TBC1D2: variants seen among roughly 807,000 people sequenced by gnomAD.
TBC1D2 encodes TBC1 domain family member 2.
A neutral mutation model predicts 91.1 loss-of-function variants in TBC1D2; 58 were observed. The observed-to-expected ratio is 0.64, with a 90% CI of 0.52 to 0.79. The LOEUF is 0.79. Among genes scored for constraint, TBC1D2 ranks in the 30% least tolerant of loss-of-function variants. The pLI, the probability that TBC1D2 is intolerant of heterozygous loss-of-function variation, is 0.00. For missense variants in TBC1D2, 1,080 were observed against 1,208.3 expected, an observed-to-expected ratio of 0.89 and a Z score of 1.57; for synonymous variants, 482 against 511.5, an observed-to-expected ratio of 0.94 and a Z score of 0.78.
intron 9 of TBC1D2, among the ~76,000 whole-genome samples, chr9:98,207,084 T>C (rs567856133): frequency 9.2e-5 from 14 of 152,226 alleles, no homozygotes; most frequent in Non-Finnish European, 1.8e-4. Context: ...TGGCATGAAA[T>C]CTGAACATAT....
intron 2 of TBC1D2, among the ~76,000 whole-genome samples, chr9:98,250,428 T>C (rs1829848569): frequency 6.6e-6 from 1 of 152,042 alleles, no homozygotes; most frequent in Non-Finnish European, 1.5e-5. Context: ...GAGGCCACTG[T>C]GACTTTGAGA....
In TBC1D2 at chr9:98,229,166, C is replaced by T. The variant is rs746596247; in HGVS notation, c.782-18G>A. 3.2e-5 allele frequency: 51 copies of T among 1,612,610 alleles called. No homozygotes were observed. In the Admixed American group the frequency reaches 3.2e-4, roughly 10 times the overall value. On this transcript the variant is annotated intron_variant, in intron 4 of 12. Transcript: ENST00000465784. ...CTCTCTCCCTGCTCAAGAGGAGAAA[C>T]GCAGAAGTTATGACTGATGACATCA...
chr9:98,229,822 A>G (rs1445894251), intron 4 of TBC1D2, among the ~76,000 whole-genome samples: 1 of 152,210 alleles, frequency 6.6e-6, no homozygotes, highest in Admixed American at 6.5e-5. Flanking sequence ...ATAAAGCTTT[A>G]TTAGAACACG....
intron 5 of TBC1D2, among the ~76,000 whole-genome samples, chr9:98,222,423 C>T (rs921923867): frequency 1.1e-4 from 17 of 152,226 alleles, no homozygotes; most frequent in Admixed American, 7.9e-4. Context: ...TTACCTTCAG[C>T]CCACCAGCCG....
At chr9:98,232,322 T>G (rs1829388261) in intron 4 of TBC1D2, among the ~76,000 whole-genome samples, 1 of 149,414 alleles carries the variant, frequency 6.7e-6, no homozygotes, top group Non-Finnish European at 1.5e-5. Flanking sequence ...TGCTTTTTCT[T>G]TTCTTCTTTC....
Position 98,221,033 on chromosome 9 carries a change from G to C in TBC1D2, c.1174C>G (p.Leu392Val). 6.2e-7 allele frequency: 1 copy of C among 1,613,856 alleles called. No individual in the cohort carries two copies. The highest frequency in any genetic ancestry group is 1.1e-5 in the South Asian group (1 of 91,088). ...ERESLAHTAS[L>V]REQQVQELQQ... The stretch of plus-strand genomic sequence containing the variant: ...AGCTCCTGCACCTGCTGCTCCCGCA[G>C]GCTCGCTGTGTGCGCCAGGCTCTCC... Residue 392 changes from leucine to valine, a missense_variant, in exon 6 of 13, where the codon CTG becomes GTG. By Grantham distance (32) the Leu-to-Val change is conservative (BLOSUM62 1). Coordinates refer to ENST00000465784, the MANE Select transcript of TBC1D2 (RefSeq NM_001267571.2).
In TBC1D2 at chr9:98,210,762, C is replaced by T. The variant is rs1413875299; in HGVS notation, c.1567G>A (p.Asp523Asn). The change falls in exon 8 of 13, where the codon GAC becomes AAC. Residue 523 changes from aspartate (D) to asparagine (N), a missense_variant. Coordinates refer to ENST00000465784, the MANE Select transcript of TBC1D2 (RefSeq NM_001267571.2). ...GLRRLQEALG[D>N]EASECSELLR... Reference sequence around the variant, plus strand: ...AGCTCTGAGCACTCGCTGGCTTCGTCCCCCAGGGCCTCCTGCAGCCTTCTC... The same window carrying T: ...AGCTCTGAGCACTCGCTGGCTTCGTTCCCCAGGGCCTCCTGCAGCCTTCTC... The T allele has an allele frequency of 6.4e-7, 1 of 1,566,098 alleles. No homozygotes were observed. The highest frequency in any genetic ancestry group is 8.7e-7 in the Non-Finnish European group (1 of 1,155,238).
chr9:98,244,997 T>G (rs1829734940), intron 2 of TBC1D2, among the ~76,000 whole-genome samples: 1 of 152,084 alleles, frequency 6.6e-6, no homozygotes, highest in South Asian at 2.1e-4. Context: ...TCCCAGCACT[T>G]TGGGAGGCTG....
At chr9:98,206,590 T>C (rs760783102) in intron 9 of TBC1D2, among the ~76,000 whole-genome samples, 2 of 152,164 alleles carry the variant, frequency 1.3e-5, no homozygotes, top group Non-Finnish European at 2.9e-5. Flanking sequence ...GGGAAAGGTT[T>C]CTGGGAGGCC....
intron 2 of TBC1D2, among the ~76,000 whole-genome samples, chr9:98,247,647 T>C (rs1405871255): frequency 6.8e-6 from 1 of 148,064 alleles, no homozygotes; most frequent in Non-Finnish European, 1.5e-5. Context: ...GAGAATCATT[T>C]GAACCCAGGA....
At position 98,251,767 on chromosome 9, in the gene TBC1D2, G is replaced by A; in HGVS notation, c.511+18C>T. 6.4e-7 allele frequency: 1 copy of A among 1,569,238 alleles called. No homozygotes were observed. Among genetic ancestry groups the A allele is most frequent in the South Asian group, 1.2e-5 (1 of 86,512 alleles). On this transcript the variant is annotated intron_variant, in intron 2 of 12. Transcript: ENST00000465784. ...CAGAGCCCTGGGTGTGCAGGCAGGA[G>A]GGTAGCCCATTGGGTACCTAGCTCG...
intron 7 of TBC1D2, among the ~76,000 whole-genome samples, chr9:98,212,789 C>T (rs1828879438): frequency 6.6e-6 from 1 of 152,194 alleles, no homozygotes; most frequent in African/African-American, 2.4e-5. Flanking sequence ...CAGGTGTGAG[C>T]CACCACGCCT....
Position 98,213,266 on chromosome 9 carries a change from C to T in TBC1D2, c.1375-48G>A, listed in dbSNP as rs777458153. On this transcript the variant is annotated intron_variant, in intron 6 of 12. Coordinates refer to ENST00000465784, the MANE Select transcript of TBC1D2 (RefSeq NM_001267571.2). The stretch of plus-strand genomic sequence containing the variant: ...TTATCAGTTGGACATAAACATCTCC[C>T]TGGTCCTGGGGAGTCACACCCTCAA... 9.9e-6 allele frequency: 16 copies of T among 1,608,394 alleles called. No homozygotes were observed. In the African/African-American group the frequency reaches 1.5e-4, roughly 15 times the overall value.
rs1828735388 is a variant in TBC1D2, at chr9:98,208,942, C to T, written c.1876G>A (p.Val626Ile). The T allele has an allele frequency of 6.2e-7, 1 of 1,614,150 alleles. No homozygotes were observed. Residue 626 changes from valine (V) to isoleucine (I), a missense_variant, in exon 9 of 13, where the codon GTA (valine) becomes ATA (isoleucine). Val to Ile is a conservative substitution (Grantham distance 29). Coordinates refer to ENST00000465784, the MANE Select transcript of TBC1D2 (RefSeq NM_001267571.2). ...ACACGAGGCCGGTGTTCACGGGGTA[C>T]TCCTGCCCGCAGTAGCTGCTTGAGC... Reference protein sequence around the residue: ...AELKQLLRAGVPREHRPRVWR... With the variant: ...AELKQLLRAGIPREHRPRVWR...
At chr9:98,232,132 G>A (rs1194346543) in intron 4 of TBC1D2, among the ~76,000 whole-genome samples, 2 of 152,132 alleles carry the variant, frequency 1.3e-5, no homozygotes, top group Admixed American at 1.3e-4. Context: ...TGGGTGAATT[G>A]TATAGTACAT....
chr9:98,214,974 A>T (rs893921451), intron 6 of TBC1D2, among the ~76,000 whole-genome samples: 2 of 151,962 alleles, frequency 1.3e-5, no homozygotes, highest in East Asian at 3.9e-4. Context: ...CTGTGCATCC[A>T]CTCAGCTTGC....
chr9:98,230,196 G>T (rs115845420), intron 4 of TBC1D2, among the ~76,000 whole-genome samples: 234 of 152,218 alleles, frequency 1.5e-3, no homozygotes, highest in African/African-American at 5.6e-3. Context: ...CCCAGCAGAA[G>T]AAATTCCCTT....
intron 4 of TBC1D2, among the ~76,000 whole-genome samples, chr9:98,229,461 A>G (rs76179758): frequency 6.6e-6 from 1 of 152,278 alleles, no homozygotes; most frequent in South Asian, 2.1e-4. Flanking sequence ...CCCAGCCTGC[A>G]TTGGTCTATC....
chr9:98,245,258 A>G (rs1829740893), intron 2 of TBC1D2, among the ~76,000 whole-genome samples: 1 of 149,864 alleles, frequency 6.7e-6, no homozygotes, highest in South Asian at 2.1e-4. Context: ...AAACAAAGAA[A>G]CAAAACAAAA....
Sources: allele counts gnomAD v4.1 joint callset (sites outside exome capture counted in the v4.1 genomes callset), GRCh38; gene constraint gnomAD v4.1.1; transcripts MANE v1.5; gene names NCBI Gene and HGNC (gene_info 2026-07-23, HGNC 2026-07-21).